Variants in ATPAF1 observed in about 807,000 individuals in gnomAD.
ATPAF1 encodes the protein ATP synthase mitochondrial F1 complex assembly factor 1, also known as homolog of yeast ATP11.
Under a neutral mutation model 43.9 loss-of-function variants are expected in ATPAF1, and 26 were observed. That is an observed-to-expected ratio of 0.59 (90% CI 0.43 to 0.82). ATPAF1 has a LOEUF of 0.82. ATPAF1 is among the 40% of genes least tolerant of loss of function. The pLI, the probability that ATPAF1 is intolerant of heterozygous loss-of-function variation, is 0.00. For missense variants in ATPAF1, 366 were observed against 435.0 expected (o/e 0.84, Z 1.41); for synonymous variants, 157 against 168.0 (o/e 0.93, Z 0.50).
At position 46,652,457 on chromosome 1, in the gene ATPAF1, C is replaced by A. The variant is rs1001302187; in HGVS notation, c.588+124G>T. 4.4e-6 allele frequency: 4 copies of A among 906,546 alleles called. No homozygotes were observed. The Admixed American group carries it at 1.1e-4, about 24-fold the overall frequency. 56.2% of individuals were successfully genotyped at this position (906,546 alleles called of 1,614,324 possible). A position where few individuals can be genotyped will look rare whatever the true frequency, so the allele number is the denominator to read the frequency against. On this transcript the variant is annotated intron_variant, in intron 6 of 8. Coordinates refer to ENST00000574428, the Ensembl canonical transcript of ATPAF1. ...CTTATTAGTACAATCAACATGTGAG[C>A]ATCTTTATTAAGTAAACAGAGCACT...
intron 6 of ATPAF1, among the ~76,000 whole-genome samples, chr1:46,651,378 T>C (rs1392270075): frequency 6.6e-6 from 1 of 152,116 alleles, no homozygotes; most frequent in Non-Finnish European, 1.5e-5. Context: ...ATGTGCCACA[T>C]TTTCTTAATC....
chr1:46,652,718 A>T, intron 5 of ATPAF1, 90 bp from the exon 6 acceptor site: 1 of 1,086,672 alleles, frequency 9.2e-7, no homozygotes. Flanking sequence ...TGAATTCTAG[A>T]ATTATAATAC....
At position 46,657,153 on chromosome 1, in the gene ATPAF1, G is replaced by A. The variant is rs192911531; in HGVS notation, c.489+974C>T. ...GGGAATAATGGCACCCACTTCACGGGGTGGTTAAGAGAATTTAATGAAATA... is the reference window on the plus strand; with the variant it reads ...GGGAATAATGGCACCCACTTCACGGAGTGGTTAAGAGAATTTAATGAAATA... On this transcript the variant is annotated intron_variant, in intron 4 of 8. Transcript: ENST00000574428. Among the ~76,000 whole-genome samples the A allele has an allele frequency of 1.2e-4, 19 of 152,184 alleles. 1 individual carries two copies. The East Asian group carries it at 3.7e-3, about 29-fold the overall frequency.
chr1:46,668,541 C>G (rs1457675868), upstream of ATPAF1: 3 of 464,120 alleles, frequency 6.5e-6, no homozygotes, highest in Non-Finnish European at 9.2e-6. This position sits in a 1 kb window ranked among gnomAD's most constrained non-coding sequence, Gnocchi z 4.4. Context: ...CTGTGTATGC[C>G]ACGGCCCGCC....
chr1:46,635,692 T>A (rs182235204), exon 9 of ATPAF1: 59 of 1,350,070 alleles, frequency 4.4e-5, no homozygotes, highest in Non-Finnish European at 5.1e-5. Flanking sequence ...TTATAAATGC[T>A]GAGCTCTTGA....
intron 4 of ATPAF1, 56 bp downstream of exon 4, chr1:46,658,071 T>C: frequency 1.3e-6 from 2 of 1,508,470 alleles, no homozygotes; most frequent in South Asian, 2.4e-5. Flanking sequence ...ACTTTCAGAT[T>C]TGGTTCACAG....
At position 46,668,035 on chromosome 1, in the gene ATPAF1, TC is replaced by T; in HGVS notation, c.266+21del. The T allele has an allele frequency of 1.5e-6, 2 of 1,341,456 alleles. No individual in the cohort carries two copies. The highest frequency in any genetic ancestry group is 2.8e-4 in the Middle Eastern group (1 of 3,556). The allele number at this position is 1,341,456 out of a possible 1,614,324, so 83.1% of individuals were successfully genotyped here. A position where few individuals can be genotyped will look rare whatever the true frequency, so the allele number is the denominator to read the frequency against. Reference sequence around the variant, plus strand: ...CCCCTCCTCCCGCCTCCTGCCCGCCTCCAGCCAACCCAGGCCCGCACCTGCG... The same window carrying T: ...CCCCTCCTCCCGCCTCCTGCCCGCCTCAGCCAACCCAGGCCCGCACCTGCG... On this transcript the variant is annotated intron_variant, in intron 1 of 8. Transcript: ENST00000574428. This position sits in a 1 kb window ranked among gnomAD's most constrained non-coding sequence, Gnocchi z 4.4.
At chr1:46,667,593 G>C (rs1490933405) in intron 1 of ATPAF1, among the ~76,000 whole-genome samples, 1 of 152,162 alleles carries the variant, frequency 6.6e-6, no homozygotes. Context: ...GACACTATTA[G>C]TCTTTGATGC....
Position 46,668,145 on chromosome 1 carries a change from C to T in ATPAF1, c.178G>A (p.Ala60Thr), listed in dbSNP as rs1209217122. 1.4e-6 allele frequency: 2 copies of T among 1,398,960 alleles called. No homozygotes were observed. Among genetic ancestry groups the T allele is most frequent in the South Asian group, 3.2e-5 (2 of 63,466 alleles). The allele number at this position is 1,398,960 out of a possible 1,614,324, so 86.7% of individuals were successfully genotyped here. A position where few individuals can be genotyped will look rare whatever the true frequency, so the allele number is the denominator to read the frequency against. ...TCGGCCCCGACCCCGCTGCTGTCGG[C>T]GCCCCCCTCGGGCCGGCCCGAGCCG... The change falls in exon 1 of 9, where the codon GCC becomes ACC. Residue 60 changes from alanine to threonine, a missense_variant. Transcript: ENST00000574428. The surrounding 1 kb of genome is among the most constrained non-coding windows in gnomAD (Gnocchi z 4.4).
At chr1:46,645,575 C>A (rs1676029175) in intron 6 of ATPAF1, among the ~76,000 whole-genome samples, 2 of 151,496 alleles carry the variant, frequency 1.3e-5, no homozygotes, top group Non-Finnish European at 2.9e-5. Context: ...GTTGCCCAGG[C>A]TGGTCTTGAA....
chr1:46,649,237 G>A (rs1343889243), intron 6 of ATPAF1, among the ~76,000 whole-genome samples: 2 of 151,720 alleles, frequency 1.3e-5, no homozygotes, highest in African/African-American at 2.4e-5. Flanking sequence ...TAAAAGTAGA[G>A]GTTCCTTTTT....
intron 4 of ATPAF1, among the ~76,000 whole-genome samples, chr1:46,654,552 AT>A (rs1557930891): frequency 2.7e-5 from 4 of 148,292 alleles, no homozygotes; most frequent in African/African-American, 9.8e-5. Context: ...TATTATTATT[AT>A]TATTATTGTA....
intron 4 of ATPAF1, among the ~76,000 whole-genome samples, chr1:46,657,630 AG>A (rs1312297494): frequency 6.6e-6 from 1 of 152,224 alleles, no homozygotes; most frequent in Non-Finnish European, 1.5e-5. Flanking sequence ...CACTTTAAAT[AG>A]GGAAACTAAA....
intron 2 of ATPAF1, among the ~76,000 whole-genome samples, chr1:46,661,595 C>T (rs1449266594): frequency 6.6e-6 from 1 of 152,046 alleles, no homozygotes; most frequent in African/African-American, 2.4e-5. Context: ...ATTTTCCCAC[C>T]TGAGGTTATA....
At chr1:46,645,820 T>C (rs1407681642) in intron 6 of ATPAF1, among the ~76,000 whole-genome samples, 2 of 152,250 alleles carry the variant, frequency 1.3e-5, no homozygotes, top group Non-Finnish European at 2.9e-5. Context: ...ATTTGGTGTC[T>C]ATCCTCCTTT....
At chr1:46,649,065 G>A (rs1312676729) in intron 6 of ATPAF1, among the ~76,000 whole-genome samples, 1 of 151,548 alleles carries the variant, frequency 6.6e-6, no homozygotes, top group African/African-American at 2.4e-5. Flanking sequence ...GGGAGGCTGA[G>A]GCAGGAGAAT....
At chr1:46,636,252 T>C (rs1214945671) in intron 8 of ATPAF1, 1 of 487,356 alleles carries the variant, frequency 2.1e-6, no homozygotes, top group Non-Finnish European at 3.8e-6. Flanking sequence ...AGACCGTGGT[T>C]TGTTTTATAT....
chr1:46,663,920 C>T (rs962097538), intron 2 of ATPAF1: 2 of 1,281,254 alleles, frequency 1.6e-6, no homozygotes, highest in African/African-American at 1.5e-5. Flanking sequence ...TTCTGTGCAC[C>T]ATCCTAGGTT....
intron 8 of ATPAF1, 150 bp downstream of exon 8, chr1:46,643,044 A>G: frequency 1.5e-6 from 1 of 658,450 alleles, no homozygotes; most frequent in Admixed American, 3.1e-5. Flanking sequence ...GAAGATCTTG[A>G]GCAAGACAAC....
Sources: gnomAD v4.1 joint callset for allele counts (sites outside exome capture counted in the v4.1 genomes callset) on GRCh38, gnomAD v4.1.1 for gene constraint, Gnocchi (gnomAD v3.1) non-coding constraint, MANE v1.5 for transcripts, NCBI Gene and HGNC (gene_info 2026-07-23, HGNC 2026-07-21) for gene names.